The following HIPK3 variants were observed in gnomAD, a reference collection of about 807,000 sequenced individuals.
HIPK3 encodes homeodomain interacting protein kinase 3.
In HIPK3, 47 loss-of-function variants were observed where a neutral mutation model predicts 124.2. The ratio of observed to expected loss-of-function variants is 0.38; its 90% CI spans 0.30 to 0.48. The LOEUF (loss-of-function observed/expected upper bound fraction) is 0.48, where lower values mean the gene tolerates loss of function less well. Ranked by LOEUF, HIPK3 falls within the 20% of genes least tolerant of loss-of-function variation. The pLI is 0.98. For synonymous variants in HIPK3, 482 were observed against 515.2 expected (o/e 0.94, Z 0.87); for missense variants, 1,286 against 1,454.3 (o/e 0.88, Z 1.88).
intron 6 of HIPK3, among the ~76,000 whole-genome samples, chr11:33,340,004 G>C (rs950583299): frequency 2.0e-5 from 3 of 152,080 alleles, no homozygotes; most frequent in African/African-American, 7.2e-5. Context: ...TGGGTCAGTA[G>C]ATCATAGGTC....
chr11:33,304,214 T>C (rs1474300057), intron 2 of HIPK3, among the ~76,000 whole-genome samples: 5 of 152,168 alleles, frequency 3.3e-5, no homozygotes, highest in Admixed American at 1.3e-4. Flanking sequence ...GCTGGGATTA[T>C]GGGTGTGAGC....
intron 1 of HIPK3, among the ~76,000 whole-genome samples, chr11:33,274,577 A>T: frequency 6.6e-6 from 1 of 152,342 alleles, no homozygotes; most frequent in Admixed American, 6.5e-5. Context: ...TTAAGTTTAC[A>T]TCAAGAAAGA....
intron 2 of HIPK3, among the ~76,000 whole-genome samples, chr11:33,322,807 C>T (rs1200843815): frequency 6.6e-6 from 1 of 152,190 alleles, no homozygotes; most frequent in Non-Finnish European, 1.5e-5. Context: ...GCCTGGGTGA[C>T]AGAGCGAGAC....
intron 1 of HIPK3, among the ~76,000 whole-genome samples, chr11:33,268,315 C>T (rs1201838343): frequency 2.6e-5 from 4 of 151,888 alleles, no homozygotes; most frequent in Non-Finnish European, 5.9e-5. Flanking sequence ...GAATTCTGGG[C>T]CGGGTGTAGT....
intron 2 of HIPK3, among the ~76,000 whole-genome samples, chr11:33,314,396 T>TA (rs1372538981): frequency 1.3e-5 from 2 of 152,130 alleles, no homozygotes; most frequent in African/African-American, 2.4e-5. Context: ...CTCATACCTG[T>TA]AATCCCAGTA....
rs890899533 is a variant in HIPK3 at position 33,356,698 on chromosome 11, A to G, written c.*3130A>G. ...TTTGATTACTAAGTTTGAACTGTTA[A>G]TTGTTTAACAATTTTAGACTTGTGG... On this transcript the variant is annotated 3_prime_UTR_variant, in exon 17 of 17. Transcript: ENST00000303296. 7 of 152,082 alleles carry G rather than the reference A, an allele frequency of 4.6e-5. No individual in the cohort carries two copies. Among genetic ancestry groups the G allele is most frequent in the Non-Finnish European group, 7.4e-5 (5 of 67,948 alleles). The allele number at this position is 152,082 out of a possible 1,614,324, so 9.4% of individuals were successfully genotyped here.
At chr11:33,340,831 C>G (rs942139408) in intron 6 of HIPK3, 137 bp from the exon 7 acceptor site, 4 of 491,630 alleles carry the variant, frequency 8.1e-6, no homozygotes, top group Non-Finnish European at 1.4e-5. Context: ...GTTAGAAATA[C>G]TATTGGAAAT....
chr11:33,283,649 CT>C, intron 1 of HIPK3, among the ~76,000 whole-genome samples: 1 of 151,794 alleles, frequency 6.6e-6, no homozygotes, highest in Middle Eastern at 3.4e-3. Flanking sequence ...GGCCAGTTAC[CT>C]AGTCTTGGTA....
intron 6 of HIPK3, 93 bp downstream of exon 6, chr11:33,339,627 C>T (rs1203802349): frequency 1.1e-6 from 1 of 900,638 alleles, no homozygotes; most frequent in African/African-American, 1.7e-5. Context: ...CTTCATTAAA[C>T]ACAAGTAACC....
intron 2 of HIPK3, among the ~76,000 whole-genome samples, chr11:33,302,651 A>G (rs1226456505): frequency 6.6e-6 from 1 of 152,114 alleles, no homozygotes; most frequent in Non-Finnish European, 1.5e-5. Flanking sequence ...TTGTTGTTAT[A>G]TAATGGTAAA....
chr11:33,258,836 T>TA (rs916892394), intron 1 of HIPK3: 10 of 600,112 alleles, frequency 1.7e-5, no homozygotes. Context: ...CACAACCTCT[T>TA]ACTGCCCTGT....
chr11:33,341,000 G>T lies in HIPK3; in HGVS notation c.1646G>T (p.Cys549Phe), dbSNP rs747231767. Residue 549 changes from cysteine (C) to phenylalanine (F), a missense_variant, in exon 7 of 17, where the codon TGT becomes TTT. By Grantham distance (205) the Cys-to-Phe change is radical (BLOSUM62 -2). Coordinates refer to ENST00000303296, the MANE Select transcript of HIPK3 (RefSeq NM_005734.5). ...VKSCFHIMDI[C>F]KSHLNSCDTN... ...TCCTGTTTTCATATTATGGATATTT[G>T]TAAGTCCCACCTAAATTCATGTGAC... The T allele has an allele frequency of 1.1e-5, 18 of 1,602,182 alleles. No individual in the cohort carries two copies. The South Asian group carries it at 1.9e-4, about 17-fold the overall frequency.
intron 2 of HIPK3, among the ~76,000 whole-genome samples, chr11:33,304,070 A>T (rs1852081841): frequency 1.3e-5 from 2 of 152,030 alleles, no homozygotes; most frequent in African/African-American, 4.8e-5. Flanking sequence ...CCTCCCAAGT[A>T]GCTGGGACTA....
chr11:33,314,042 G>A (rs954667591), intron 2 of HIPK3, among the ~76,000 whole-genome samples: 10 of 151,940 alleles, frequency 6.6e-5, no homozygotes, highest in Non-Finnish European at 1.3e-4. Context: ...GGCTGGTCTC[G>A]TACTCCTGGG....
chr11:33,306,938 CTTT>C (rs371207899), intron 2 of HIPK3, among the ~76,000 whole-genome samples: 3 of 136,674 alleles, frequency 2.2e-5, no homozygotes, highest in Non-Finnish European at 3.2e-5. Flanking sequence ...GATGCATCCA[CTTT>C]TTTTTTTTTT....
intron 2 of HIPK3, among the ~76,000 whole-genome samples, chr11:33,296,854 C>G (rs1311335855): frequency 1.3e-5 from 2 of 152,138 alleles, no homozygotes; most frequent in Non-Finnish European, 2.9e-5. Context: ...AGTGGCCTCT[C>G]AGTGTTCTAA....
intron 2 of HIPK3, among the ~76,000 whole-genome samples, chr11:33,288,953 A>T (rs527665023): frequency 6.6e-6 from 1 of 152,216 alleles, no homozygotes; most frequent in South Asian, 2.1e-4. Flanking sequence ...AGACCCACCA[A>T]GGAGTATATT....
Position 33,348,637 on chromosome 11 carries a change from T to A in HIPK3, c.2485T>A (p.Ser829Thr), listed in dbSNP as rs781158617. 6.2e-6 allele frequency: 10 copies of A among 1,614,006 alleles called. No individual in the cohort carries two copies. Residue 829 changes from serine (S) to threonine (T), a missense_variant, in exon 13 of 17, where the codon TCA becomes ACA. Physicochemically the swap from Ser to Thr is moderately conservative, Grantham distance 58 (BLOSUM62 1). Coordinates refer to ENST00000303296, the MANE Select transcript of HIPK3 (RefSeq NM_005734.5). ...SCIETQDNQNSEGEARNCCET... is the reference protein window; with the variant it reads ...SCIETQDNQNTEGEARNCCET... Reference sequence around the variant, plus strand: ...TATAGAAACACAGGACAATCAGAACTCAGAAGGAGAGGCAAGAAATTGCTG... The same window carrying A: ...TATAGAAACACAGGACAATCAGAACACAGAAGGAGAGGCAAGAAATTGCTG...
At chr11:33,257,367 A>T (rs1377663477), upstream of HIPK3, 2 of 984,450 alleles carry the variant, frequency 2.0e-6, no homozygotes. Flanking sequence ...GAGGGGCCCG[A>T]GGCTGGGGCG....
Sources: gnomAD v4.1 joint callset for allele counts (sites outside exome capture counted in the v4.1 genomes callset) on GRCh38, gnomAD v4.1.1 for gene constraint, MANE v1.5 for transcripts, NCBI Gene and HGNC (gene_info 2026-07-23, HGNC 2026-07-21) for gene names.